The following MET variants were observed in gnomAD, a reference collection of about 807,000 sequenced individuals.
MET encodes the protein MET proto-oncogene, receptor tyrosine kinase, also known as hepatocyte growth factor receptor.
MET carries 48 observed loss-of-function variants against 133.1 expected under a neutral mutation model. The ratio of observed to expected loss-of-function variants is 0.36; its 90% CI spans 0.29 to 0.46. The LOEUF (loss-of-function observed/expected upper bound fraction) is 0.46. Among genes scored for constraint, MET ranks in the 20% least tolerant of loss-of-function variants. The pLI, the probability that MET is intolerant of heterozygous loss-of-function variation, is 1.00. For missense variants in MET, 1,442 were observed against 1,695.9 expected (o/e 0.85, Z 2.63); for synonymous variants, 628 against 616.5 (o/e 1.02, Z -0.28).
At chr7:116,684,231 C>G (rs949534791) in intron 1 of MET, among the ~76,000 whole-genome samples, 1 of 152,236 alleles carries the variant, frequency 6.6e-6, no homozygotes, top group Non-Finnish European at 1.5e-5. Flanking sequence ...ATAATTCCCA[C>G]ATAATTTTTC....
intron 1 of MET, among the ~76,000 whole-genome samples, chr7:116,687,893 CTCTT>C (rs1288415206): frequency 6.6e-6 from 1 of 152,228 alleles, no homozygotes; most frequent in African/African-American, 2.4e-5. Flanking sequence ...GTGCTGATTT[CTCTT>C]TCTTTGTGTG....
intron 14 of MET, among the ~76,000 whole-genome samples, chr7:116,773,270 G>T (rs901480936): frequency 6.6e-6 from 1 of 152,162 alleles, no homozygotes; most frequent in Admixed American, 6.5e-5. Flanking sequence ...AGAGGCAACT[G>T]CAGAGCTTTC....
At chr7:116,790,315 A>G (rs1347660993) in intron 19 of MET, among the ~76,000 whole-genome samples, 1 of 152,128 alleles carries the variant, frequency 6.6e-6, no homozygotes, top group Non-Finnish European at 1.5e-5. Context: ...TACTTTGTCT[A>G]AGAGTTTGAC....
intron 5 of MET, among the ~76,000 whole-genome samples, chr7:116,744,124 C>T (rs957660407): frequency 6.6e-6 from 1 of 151,964 alleles, no homozygotes; most frequent in Non-Finnish European, 1.5e-5. Flanking sequence ...ACCAGAACAC[C>T]TCTTCTCCTC....
intron 17 of MET, among the ~76,000 whole-genome samples, chr7:116,780,695 G>T (rs1455867541): frequency 6.6e-6 from 1 of 152,172 alleles, no homozygotes; most frequent in African/African-American, 2.4e-5. Context: ...CCAGGAACTG[G>T]CCTTTCTCTA....
intron 10 of MET, among the ~76,000 whole-genome samples, chr7:116,762,624 C>T (rs970279084): frequency 2.0e-5 from 3 of 152,108 alleles, no homozygotes; most frequent in African/African-American, 7.2e-5. Flanking sequence ...CTGAGTTATT[C>T]AGTGTGGGCC....
intron 19 of MET, among the ~76,000 whole-genome samples, chr7:116,792,424 T>C (rs1464298377): frequency 1.2e-4 from 15 of 121,810 alleles, no homozygotes; most frequent in African/African-American, 3.0e-4. Flanking sequence ...TACACCTCCC[T>C]CCCCTCACCC....
At chr7:116,683,948 G>A (rs1796452549) in intron 1 of MET, among the ~76,000 whole-genome samples, 2 of 152,122 alleles carry the variant, frequency 1.3e-5, no homozygotes, top group African/African-American at 4.8e-5. Flanking sequence ...TCACTTCAGT[G>A]ACTTCCAATA....
rs147794765 is a variant in MET at position 116,788,598 on chromosome 7, A to C, written c.3798+5129A>C. Among the ~76,000 whole-genome samples the C allele has an allele frequency of 1.2e-3, 183 of 152,220 alleles. 2 individuals carry two copies. Among genetic ancestry groups the C allele is most frequent in the Non-Finnish European group, 1.4e-3 (94 of 68,002 alleles). Reference sequence around the variant, plus strand: ...GATAGGATGGTGCTATTTCTTTCTCACTCTCATCGAAAGACACTATTTTGT... The same window carrying C: ...GATAGGATGGTGCTATTTCTTTCTCCCTCTCATCGAAAGACACTATTTTGT... On this transcript the variant is annotated intron_variant, in intron 19 of 20. Transcript: ENST00000397752.
At chr7:116,745,708 G>A (rs1034007893) in intron 5 of MET, among the ~76,000 whole-genome samples, 1 of 152,176 alleles carries the variant, frequency 6.6e-6, no homozygotes, top group African/African-American at 2.4e-5. Context: ...AAATGGTGCT[G>A]GGAAAACTGG....
intron 1 of MET, among the ~76,000 whole-genome samples, chr7:116,679,424 T>G (rs894208993): frequency 6.6e-6 from 1 of 152,172 alleles, no homozygotes; most frequent in African/African-American, 2.4e-5. Context: ...GTGCTGAAAA[T>G]AGGAAGGAAT....
At chr7:116,795,866 A>G (rs761419338) in intron 20 of MET, 21 bp from the exon 21 acceptor site, 3 of 1,614,038 alleles carry the variant, frequency 1.9e-6, no homozygotes, top group South Asian at 2.2e-5. Flanking sequence ...CTCTTACAGC[A>G]TGTCTTTCTT....
At chr7:116,740,119 G>A (rs2116829038) in intron 4 of MET, 35 bp downstream of exon 4, 3 of 1,613,176 alleles carry the variant, frequency 1.9e-6, no homozygotes, top group Non-Finnish European at 2.5e-6. Context: ...CCATAGACGT[G>A]GTTTTTCCCA....
At chr7:116,744,007 C>G (rs914156447) in intron 5 of MET, among the ~76,000 whole-genome samples, 3 of 152,054 alleles carry the variant, frequency 2.0e-5, no homozygotes, top group Non-Finnish European at 4.4e-5. Flanking sequence ...ACAAAAAGAA[C>G]GTCCACACAA....
intron 1 of MET, among the ~76,000 whole-genome samples, chr7:116,698,392 ATT>A (rs970989724): frequency 1.3e-5 from 2 of 152,178 alleles, no homozygotes; most frequent in African/African-American, 4.8e-5. Context: ...TATTTTATAC[ATT>A]TTCAGCCTCC....
chr7:116,707,419 A>G (rs1361110969), intron 2 of MET, among the ~76,000 whole-genome samples: 1 of 152,138 alleles, frequency 6.6e-6, no homozygotes, highest in Admixed American at 6.6e-5. Context: ...GCCCTAGATA[A>G]AAGGAGAGAA....
chr7:116,716,489 GAA>G (rs1326490414), intron 2 of MET, among the ~76,000 whole-genome samples: 1 of 142,042 alleles, frequency 7.0e-6, no homozygotes, highest in South Asian at 2.3e-4. Context: ...AAGAAAGAAA[GAA>G]AGAAAGAAAG....
At chr7:116,792,009 A>G (rs1033339393) in intron 19 of MET, among the ~76,000 whole-genome samples, 4 of 152,218 alleles carry the variant, frequency 2.6e-5, no homozygotes, top group Non-Finnish European at 4.4e-5. Context: ...ATTTAATGGT[A>G]TCCTTCAAAA....
At chr7:116,688,356 A>G (rs572161353) in intron 1 of MET, among the ~76,000 whole-genome samples, 97 of 152,348 alleles carry the variant, frequency 6.4e-4, no homozygotes, top group Admixed American at 1.9e-3. Flanking sequence ...CTGAATCACA[A>G]AATTATGTCC....
Sources: gnomAD v4.1 joint callset for allele counts (sites outside exome capture counted in the v4.1 genomes callset) on GRCh38, gnomAD v4.1.1 for gene constraint, MANE v1.5 for transcripts, NCBI Gene and HGNC (gene_info 2026-07-23, HGNC 2026-07-21) for gene names.